Variants in FBXO22 observed in about 807,000 individuals in gnomAD.
FBXO22 encodes the protein F-box only protein 22.
A neutral mutation model predicts 37.2 loss-of-function variants in FBXO22; 13 were observed. The ratio of observed to expected loss-of-function variants is 0.35; its 90% CI spans 0.23 to 0.56. FBXO22 has a LOEUF of 0.56. FBXO22 is among the 20% of genes least tolerant of loss of function. The probability of loss-of-function intolerance (pLI) is 0.87; values close to 1 mark genes in which losing one functional copy is unlikely to be tolerated. For synonymous variants in FBXO22, 189 were observed against 189.1 expected (o/e 1.00, Z 0.00); for missense variants, 446 against 509.9 (o/e 0.87, Z 1.21).
At position 75,937,045 on chromosome 15, in the gene FBXO22, C is replaced by T. The variant is rs1435505367; in HGVS notation, c.*3943C>T. 1.3e-5 allele frequency: 2 copies of T among 152,032 alleles called. No homozygotes were observed. Among genetic ancestry groups the T allele is most frequent in the Non-Finnish European group, 2.9e-5 (2 of 68,008 alleles). 9.4% of individuals were successfully genotyped at this position (152,032 alleles called of 1,614,324 possible). On this transcript the variant is annotated 3_prime_UTR_variant, in exon 7 of 7. Transcript: ENST00000308275. The stretch of plus-strand genomic sequence containing the variant: ...TTGAGGAGAATTTTGAGACCATTGA[C>T]ATTTTTCTAATTATGACTAAAATTT...
At chr15:75,913,361 T>A in intron 3 of FBXO22, 71 bp downstream of exon 3, 1 of 1,041,056 alleles carries the variant, frequency 9.6e-7, no homozygotes, top group Non-Finnish European at 1.5e-6. Flanking sequence ...TTCAATATTA[T>A]ACTTGTCCTG....
intron 4 of FBXO22, among the ~76,000 whole-genome samples, chr15:75,914,759 T>C (rs1208026870): frequency 6.6e-6 from 1 of 152,182 alleles, no homozygotes; most frequent in Non-Finnish European, 1.5e-5. Context: ...AATGGTTAGA[T>C]ACCTGGATTC....
In FBXO22 at chr15:75,935,791, ACTTT is replaced by A. The variant is rs1394053614; in HGVS notation, c.*2694_*2697del. The A allele has an allele frequency of 4.6e-5, 7 of 152,150 alleles. No homozygotes were observed. In the South Asian group the frequency reaches 6.2e-4, roughly 14 times the overall value. 9.4% of individuals were successfully genotyped at this position (152,150 alleles called of 1,614,324 possible). On this transcript the variant is annotated 3_prime_UTR_variant, in exon 7 of 7. Coordinates refer to ENST00000308275, the MANE Select transcript of FBXO22 (RefSeq NM_147188.3). Reference sequence around the variant, plus strand: ...GAAATAAACTTTTACAAATCTGAGAACTTTCTTTTTTTTTGAGACGGAGTCCCGC... The same window carrying A: ...GAAATAAACTTTTACAAATCTGAGAACTTTTTTTTTGAGACGGAGTCCCGC...
chr15:75,940,088 T>C lies in FBXO22; in HGVS notation c.*6986T>C, dbSNP rs1218438722. The C allele has an allele frequency of 2.0e-5, 3 of 148,340 alleles. No individual in the cohort carries two copies. Among genetic ancestry groups the C allele is most frequent in the Non-Finnish European group, 3.0e-5 (2 of 67,116 alleles). The allele number at this position is 148,340 out of a possible 1,614,324, so 9.2% of individuals were successfully genotyped here. A position where few individuals can be genotyped will look rare whatever the true frequency, so the allele number is the denominator to read the frequency against. On this transcript the variant is annotated 3_prime_UTR_variant, in exon 7 of 7. Coordinates refer to ENST00000308275, the MANE Select transcript of FBXO22 (RefSeq NM_147188.3). ...ATATGTTCACAAATGATATGATCTT[T>C]AGACAACCCGAAAGATTCCACACCA... is the stretch of plus-strand genomic sequence containing the variant.
intron 2 of FBXO22, among the ~76,000 whole-genome samples, chr15:75,907,710 A>C (rs1460619428): frequency 6.6e-6 from 1 of 152,184 alleles, no homozygotes; most frequent in Non-Finnish European, 1.5e-5. Context: ...AGCCTGGCCA[A>C]CATGGTGAAA....
At chr15:75,907,759 T>G (rs1444053431) in intron 2 of FBXO22, among the ~76,000 whole-genome samples, 2 of 146,940 alleles carry the variant, frequency 1.4e-5, no homozygotes, top group Non-Finnish European at 1.5e-5. Flanking sequence ...TTTAAAAATA[T>G]CAAATATATA....
chr15:75,904,594 C>T lies in FBXO22; in HGVS notation c.244C>T (p.His82Tyr). The T allele has an allele frequency of 6.2e-7, 1 of 1,612,804 alleles. No individual in the cohort carries two copies. Among genetic ancestry groups the T allele is most frequent in the Non-Finnish European group, 8.5e-7 (1 of 1,179,098 alleles). ...GLAEAGHLEG[H>Y]CLVRVVAEEL... is the part of the protein sequence containing the mutation. ...GGCGGAGGCCGGCCACCTGGAGGGGCATTGCTTGGTTCGCGTGGTAGCAGA... is the reference window on the plus strand; with the variant it reads ...GGCGGAGGCCGGCCACCTGGAGGGGTATTGCTTGGTTCGCGTGGTAGCAGA... Residue 82 changes from histidine to tyrosine, a missense_variant, in exon 2 of 7, where the codon CAT becomes TAT. Physicochemically the swap from His to Tyr is moderately conservative, Grantham distance 83. Transcript: ENST00000308275.
Position 75,933,006 on chromosome 15 carries a change from C to CTTTA in FBXO22, c.1118_1121dup (p.Leu375TyrfsTer6), listed in dbSNP as rs770473372. The stretch of plus-strand genomic sequence containing the variant: ...GATGTGATCGGATAGTCACTGGGAA[C>CTTTA]TTTATATTGAGGAAATGTAATGAGG... On this transcript the variant is annotated frameshift_variant, in exon 7 of 7. Transcript: ENST00000308275. LOFTEE classifies it high-confidence loss of function. 6.8e-6 allele frequency: 11 copies of CTTTA among 1,614,002 alleles called. No individual in the cohort carries two copies. In the Admixed American group the frequency reaches 8.3e-5, roughly 12 times the overall value.
In FBXO22 at chr15:75,941,940, C is replaced by CA. The variant is rs780414439; in HGVS notation, c.*8859dup. Reference sequence around the variant, plus strand: ...TTGCCACAGTAAATTTTTAAACCACCAAAAAAAAAAAAAAAAAAAAATATG... The same window carrying CA: ...TTGCCACAGTAAATTTTTAAACCACCAAAAAAAAAAAAAAAAAAAAAATATG... On this transcript the variant is annotated 3_prime_UTR_variant, in exon 7 of 7. Transcript: ENST00000308275. 2,279 of 24,868 alleles carry CA rather than the reference C, an allele frequency of 0.092. 144 individuals carry two copies. Among genetic ancestry groups the CA allele is most frequent in the African/African-American group, 0.24 (2,149 of 9,096 alleles). The allele number at this position is 24,868 out of a possible 1,614,324, so 1.5% of individuals were successfully genotyped here.
rs2030294440 is a variant in FBXO22 at position 75,935,909 on chromosome 15, TC to T, written c.*2810del. 6.6e-6 allele frequency: 1 copy of T among 152,042 alleles called. No homozygotes were observed. The highest frequency in any genetic ancestry group is 1.5e-5 in the Non-Finnish European group (1 of 68,012). 9.4% of individuals were successfully genotyped at this position (152,042 alleles called of 1,614,324 possible). ...TTCACGCCATTCTCCTGCCTCAGCC[TC>T]CCGAGTAGCTGGGACTACAGGCGCC... On this transcript the variant is annotated 3_prime_UTR_variant, in exon 7 of 7. Transcript: ENST00000308275.
intron 5 of FBXO22, among the ~76,000 whole-genome samples, chr15:75,922,213 G>C (rs1399486030): frequency 6.6e-6 from 1 of 152,234 alleles, no homozygotes; most frequent in Non-Finnish European, 1.5e-5. Flanking sequence ...CTACACATTA[G>C]GCAGTAGGAA....
chr15:75,941,216 CA>C lies in FBXO22; in HGVS notation c.*8118del, dbSNP rs1488608821. On this transcript the variant is annotated 3_prime_UTR_variant, in exon 7 of 7. Transcript: ENST00000308275. ...CACTAAACAGTAAGGAAATGCAAATCAAAACCACATTGAGATACCACTTCAT... is the reference window on the plus strand; with the variant it reads ...CACTAAACAGTAAGGAAATGCAAATCAAACCACATTGAGATACCACTTCAT... 1 of 152,084 alleles carries C rather than the reference CA, an allele frequency of 6.6e-6. No homozygotes were observed. The highest frequency in any genetic ancestry group is 2.4e-5 in the African/African-American group (1 of 41,410). The allele number at this position is 152,084 out of a possible 1,614,324, so 9.4% of individuals were successfully genotyped here.
chr15:75,913,273 G>A lies in FBXO22; in HGVS notation c.350G>A (p.Cys117Tyr). 1 of 1,609,124 alleles carries A rather than the reference G, an allele frequency of 6.2e-7. No individual in the cohort carries two copies. Among genetic ancestry groups the A allele is most frequent in the African/African-American group, 1.3e-5 (1 of 74,882 alleles). Residue 117 changes from cysteine (C) to tyrosine (Y), a missense_variant, in exon 3 of 7, where the codon TGT becomes TAT. Cys to Tyr is a radical substitution (Grantham distance 194, BLOSUM62 -2). This residue lies in a region of FBXO22 where 315 missense variants were observed against 410.1 expected (regional missense o/e 0.77). Coordinates refer to ENST00000308275, the MANE Select transcript of FBXO22 (RefSeq NM_147188.3). ...GAAACTTTCATTAGTCTGGAAGAGT[G>A]TCGTGGCCATAAGAGAGGTAAATAT... ...DSETFISLEECRGHKRARKRT... is the reference protein window; with the variant it reads ...DSETFISLEEYRGHKRARKRT...
intron 2 of FBXO22, among the ~76,000 whole-genome samples, chr15:75,906,089 C>G (rs78531351): frequency 0.011 from 1,691 of 152,254 alleles, 42 homozygotes; most frequent in African/African-American, 0.038. Flanking sequence ...AATTACCCCT[C>G]TCACCCCCTA....
chr15:75,927,231 CT>C (rs1171126714), intron 5 of FBXO22, among the ~76,000 whole-genome samples: 2 of 152,190 alleles, frequency 1.3e-5, no homozygotes, highest in Admixed American at 6.5e-5. Context: ...CTAGGCTAAA[CT>C]TTCCCTTTGG....
chr15:75,912,130 T>C (rs1364283493), intron 2 of FBXO22, among the ~76,000 whole-genome samples: 3 of 152,020 alleles, frequency 2.0e-5, no homozygotes, highest in South Asian at 2.1e-4. Context: ...GCCGACTTGA[T>C]TGTGGTAGAT....
intron 5 of FBXO22, among the ~76,000 whole-genome samples, chr15:75,925,530 G>A (rs1198228581): frequency 6.6e-6 from 1 of 152,092 alleles, no homozygotes; most frequent in East Asian, 1.9e-4. Flanking sequence ...AATTATCTGA[G>A]GACATCATAG....
In FBXO22 at chr15:75,904,122, G is replaced by C; in HGVS notation, c.140+19G>C. 1.3e-6 allele frequency: 2 copies of C among 1,529,312 alleles called. No individual in the cohort carries two copies. The highest frequency in any genetic ancestry group is 1.8e-6 in the Non-Finnish European group (2 of 1,134,288). The allele number at this position is 1,529,312 out of a possible 1,614,324, so 94.7% of individuals were successfully genotyped here. ...TGGCCTGGTGAGGAGAGGAGGCGGA[G>C]GCGGGAAGCTTGCCTGGGGACACGC... On this transcript the variant is annotated intron_variant, in intron 1 of 6. Transcript: ENST00000308275.
Position 75,905,985 on chromosome 15 carries a change from C to A in FBXO22, c.279+1356C>A, listed in dbSNP as rs147574665. Among the ~76,000 whole-genome samples the A allele has an allele frequency of 3.7e-4, 57 of 152,196 alleles. 2 individuals are homozygous for A. The East Asian group carries it at 8.1e-3, about 22-fold the overall frequency. On this transcript the variant is annotated intron_variant, in intron 2 of 6. Transcript: ENST00000308275. ...AGATCATTTGAAACTATGTAAATAT[C>A]GTGTTTCAATTCATTTATTTATTTA...
Sources: allele counts gnomAD v4.1 joint callset (sites outside exome capture counted in the v4.1 genomes callset), GRCh38; gene constraint gnomAD v4.1.1; regional missense constraint gnomAD v4.1.1; transcripts MANE v1.5; gene names NCBI Gene and HGNC (gene_info 2026-07-23, HGNC 2026-07-21).